Variants in ITPR2 observed in about 807,000 individuals in gnomAD.
The protein encoded by ITPR2 is inositol 1,4,5-trisphosphate-gated calcium channel ITPR2.
ITPR2 carries 207 observed loss-of-function variants against 317.1 expected under a neutral mutation model. The observed-to-expected ratio is 0.65, with a 90% CI of 0.58 to 0.73. The LOEUF (loss-of-function observed/expected upper bound fraction) is 0.73. Among genes scored for constraint, ITPR2 ranks in the 30% least tolerant of loss-of-function variants. The pLI, the probability that ITPR2 is intolerant of heterozygous loss-of-function variation, is 0.00. For missense variants in ITPR2, 2,613 were observed against 3,284.0 expected (o/e 0.80, Z 4.99); for synonymous variants, 1,156 against 1,149.1 (o/e 1.01, Z -0.12).
At chr12:26,585,523 G>T (rs763457008) in intron 32 of ITPR2, among the ~76,000 whole-genome samples, 1 of 152,048 alleles carries the variant, frequency 6.6e-6, no homozygotes, top group African/African-American at 2.4e-5. Flanking sequence ...TCCTACCTCA[G>T]CCTCCCAAGT....
At chr12:26,467,258 T>A (rs531439256) in intron 45 of ITPR2, among the ~76,000 whole-genome samples, 1 of 152,282 alleles carries the variant, frequency 6.6e-6, no homozygotes, top group South Asian at 2.1e-4. Flanking sequence ...AAAAGTGGAT[T>A]AATGAAGACT....
chr12:26,353,316 T>A (rs1938540702), intron 55 of ITPR2, among the ~76,000 whole-genome samples: 1 of 152,226 alleles, frequency 6.6e-6, no homozygotes. Flanking sequence ...TACATCAAGA[T>A]CATCTTGCTC....
At chr12:26,444,853 G>T (rs1267183948) in intron 45 of ITPR2, among the ~76,000 whole-genome samples, 1 of 152,024 alleles carries the variant, frequency 6.6e-6, no homozygotes, top group African/African-American at 2.4e-5. Context: ...AAATCATTTT[G>T]AAAACTGTTA....
At chr12:26,527,369 G>A (rs926918004) in intron 37 of ITPR2, among the ~76,000 whole-genome samples, 2 of 152,278 alleles carry the variant, frequency 1.3e-5, no homozygotes, top group African/African-American at 4.8e-5. Context: ...GATGATGATA[G>A]AATGCCTAAA....
chr12:26,672,877 G>C (rs899825007), intron 13 of ITPR2, among the ~76,000 whole-genome samples: 1 of 151,910 alleles, frequency 6.6e-6, no homozygotes, highest in African/African-American at 2.4e-5. Context: ...TATCACCACC[G>C]ATCCCACAGA....
At chr12:26,669,950 C>G (rs575351628) in intron 13 of ITPR2, among the ~76,000 whole-genome samples, 1 of 152,358 alleles carries the variant, frequency 6.6e-6, no homozygotes, top group East Asian at 1.9e-4. Flanking sequence ...TGATTGCTAA[C>G]GCAGCAGTCT....
chr12:26,584,409 G>T (rs1347655370), intron 32 of ITPR2, among the ~76,000 whole-genome samples: 2 of 152,150 alleles, frequency 1.3e-5, no homozygotes, highest in Non-Finnish European at 2.9e-5. Context: ...GCATATAACA[G>T]ATATTCTAAA....
At chr12:26,624,942 C>T (rs1007582816) in intron 23 of ITPR2, among the ~76,000 whole-genome samples, 2 of 152,024 alleles carry the variant, frequency 1.3e-5, no homozygotes, top group African/African-American at 2.4e-5. Flanking sequence ...ACCTAAGTGT[C>T]CATCAACAGA....
intron 2 of ITPR2, among the ~76,000 whole-genome samples, chr12:26,755,336 G>A (rs1949501146): frequency 6.6e-6 from 1 of 152,124 alleles, no homozygotes; most frequent in African/African-American, 2.4e-5. Context: ...GATAACTTTG[G>A]AGATTGTGAC....
At position 26,340,351 on chromosome 12, in the gene ITPR2, G is replaced by A. The variant is rs147676775; in HGVS notation, c.7858-23C>T. 3.9e-3 allele frequency: 6,166 copies of A among 1,572,278 alleles called. 55 individuals carry two copies. Among genetic ancestry groups the A allele is most frequent in the South Asian group, 0.014 (1,143 of 83,466 alleles). On this transcript the variant is annotated intron_variant, in intron 55 of 56. Transcript: ENST00000381340. ...CTCCTGAAAGCAAATAAATGTGTGC[G>A]AACAAGGGAATAAGTATGGAAGGGG...
chr12:26,585,661 T>G (rs1945508824), intron 32 of ITPR2, among the ~76,000 whole-genome samples: 1 of 152,184 alleles, frequency 6.6e-6, no homozygotes, highest in Non-Finnish European at 1.5e-5. Context: ...TGCCTCAGCC[T>G]CCCAAAGTAC....
rs192690260 is a variant in ITPR2, at chr12:26,544,699, A to C, written c.5073+5548T>G. Among the ~76,000 whole-genome samples, 410 of 133,620 alleles carry C rather than the reference A, an allele frequency of 3.1e-3. 3 individuals are homozygous for C. The highest frequency in any genetic ancestry group is 9.8e-3 in the African/African-American group (392 of 40,168). The allele number at this position is 133,620 out of a possible 152,430, so 87.7% of individuals were successfully genotyped here. On this transcript the variant is annotated intron_variant, in intron 37 of 56. Coordinates refer to ENST00000381340, the MANE Select transcript of ITPR2 (RefSeq NM_002223.4). ...TCTTTTAAGTTGACATTTTAAATTC[A>C]AATAAGTGGAGTCTCAAATGTAATA...
chr12:26,436,167 T>C lies in ITPR2; in HGVS notation c.6769+54A>G, dbSNP rs950375398. 2.8e-6 allele frequency: 4 copies of C among 1,444,202 alleles called. No homozygotes were observed. The South Asian group carries it at 4.3e-5, about 16-fold the overall frequency. 89.5% of individuals were successfully genotyped at this position (1,444,202 alleles called of 1,614,324 possible). ...ATTATTCTTATTTTGAAGCTTTAAA[T>C]AGTTAAGTGGGAACTTTAAAATATT... On this transcript the variant is annotated intron_variant, in intron 48 of 56. Coordinates refer to ENST00000381340, the MANE Select transcript of ITPR2 (RefSeq NM_002223.4).
intron 34 of ITPR2, among the ~76,000 whole-genome samples, chr12:26,568,015 T>TATATATATATTATATATATTATATA (rs1945054712): frequency 1.2e-5 from 1 of 84,944 alleles, no homozygotes; most frequent in East Asian, 3.7e-4. Flanking sequence ...ATTATATATA[T>TATATATATATTATATATATTATATA]ATATATATAT....
chr12:26,635,957 CA>C (rs1272033229), intron 21 of ITPR2, among the ~76,000 whole-genome samples: 1 of 152,216 alleles, frequency 6.6e-6, no homozygotes, highest in Non-Finnish European at 1.5e-5. Context: ...AATATGGTAG[CA>C]ACCTGGGTTA....
At chr12:26,796,904 G>T (rs1331140496) in intron 1 of ITPR2, among the ~76,000 whole-genome samples, 1 of 152,084 alleles carries the variant, frequency 6.6e-6, no homozygotes, top group Admixed American at 6.5e-5. Context: ...GGGCATGGTG[G>T]TACGCACCTG....
In ITPR2 at chr12:26,654,043, A is replaced by G. The variant is rs761921459; in HGVS notation, c.2673T>C (p.Ala891=). 3.5e-5 allele frequency: 56 copies of G among 1,596,480 alleles called. No homozygotes were observed. In the Admixed American group the frequency reaches 3.9e-4, roughly 11 times the overall value. The change falls in exon 21 of 57, where the codon GCT becomes GCC. Residue 891 remains alanine, a synonymous_variant. Transcript: ENST00000381340. ...TGGGGGCCTGTACAATGTCTAAAAT[A>G]GCCAGAAGTGTTCTTGTTAGCCTTA... ...ELLRLTRTLL[A]ILDIVQAPMS...
chr12:26,547,290 C>A (rs1452463209), intron 37 of ITPR2, among the ~76,000 whole-genome samples: 1 of 152,082 alleles, frequency 6.6e-6, no homozygotes, highest in African/African-American at 2.4e-5. Context: ...GGCCGAGAAG[C>A]ATATGAAAAA....
chr12:26,658,113 G>A lies in ITPR2; in HGVS notation c.1904C>T (p.Ser635Leu). Reference protein sequence around the residue: ...NREPRFLDYLSDLCVSNTTAI... With the variant: ...NREPRFLDYLLDLCVSNTTAI... ...AGTGGTATTAGACACACACAGATCTGACAAATAATCCAAAAACCTGGCAAA... is the reference window on the plus strand; with the variant it reads ...AGTGGTATTAGACACACACAGATCTAACAAATAATCCAAAAACCTGGCAAA... Residue 635 changes from serine to leucine, a missense_variant, in exon 17 of 57, where the codon TCA becomes TTA. Coordinates refer to ENST00000381340, the MANE Select transcript of ITPR2 (RefSeq NM_002223.4). 6.4e-7 allele frequency: 1 copy of A among 1,558,626 alleles called. No homozygotes were observed. The highest frequency in any genetic ancestry group is 8.7e-7 in the Non-Finnish European group (1 of 1,155,396).
Sources: gnomAD v4.1 joint callset for allele counts (sites outside exome capture counted in the v4.1 genomes callset) on GRCh38, gnomAD v4.1.1 for gene constraint, MANE v1.5 for transcripts, NCBI Gene and HGNC (gene_info 2026-07-23, HGNC 2026-07-21) for gene names.